The following ATXN7L3 variants were observed in gnomAD, a reference collection of about 807,000 sequenced individuals.
The protein encoded by ATXN7L3 is ataxin 7 like 3.
Under a neutral mutation model 50.0 loss-of-function variants are expected in ATXN7L3, and 6 were observed. That is an observed-to-expected ratio of 0.12 (90% CI 0.07 to 0.24). The LOEUF (loss-of-function observed/expected upper bound fraction) is 0.24. Ranked by LOEUF, ATXN7L3 falls within the 10% of genes least tolerant of loss-of-function variation. The pLI is 1.00. For synonymous variants in ATXN7L3, 198 were observed against 165.8 expected (o/e 1.19, Z -1.49); for missense variants, 322 against 451.3 (o/e 0.71, Z 2.60).
At chr17:44,197,889 C>T in intron 2 of ATXN7L3, 131 bp downstream of exon 2, 10 of 1,510,212 alleles carry the variant, frequency 6.6e-6, no homozygotes, top group Non-Finnish European at 9.1e-6. Flanking sequence ...GGATCCTTGG[C>T]TTTTTCAGCT....
rs772094932 is a variant in ATXN7L3, at chr17:44,197,743, G to A, written c.52-13C>T. ...CCTGAGCGATGGCCTGGGCCCCAGG[G>A]GAGAACATCTACGGTCACAAGAGTC... On this transcript the variant is annotated splice_polypyrimidine_tract_variant and intron_variant, in intron 2 of 12. Coordinates refer to ENST00000587097, the MANE Select transcript of ATXN7L3 (RefSeq NM_001382309.1). The A allele has an allele frequency of 2.5e-6, 4 of 1,614,244 alleles. No individual in the cohort carries two copies. Among genetic ancestry groups the A allele is most frequent in the South Asian group, 1.1e-5 (1 of 91,086 alleles).
chr17:44,196,156 A>C (rs2055880238), intron 6 of ATXN7L3, 77 bp from the exon 7 acceptor site: 18 of 1,515,666 alleles, frequency 1.2e-5, no homozygotes, highest in Non-Finnish European at 1.6e-5. Flanking sequence ...AGGAAAAAAG[A>C]TTTGACAAAG....
rs190131239 is a variant in ATXN7L3 at position 44,197,860 on chromosome 17, C to T, written c.52-130G>A. On this transcript the variant is annotated intron_variant, in intron 2 of 12. Transcript: ENST00000587097. ...TTTGCCATTTTCCCCATCTTGACTT[C>T]GTGTTCTTTCTTCTTCCTGGATCCT... 5.6e-4 allele frequency: 858 copies of T among 1,530,126 alleles called. 2 individuals are homozygous for T. The African/African-American group carries it at 6.9e-3, about 12-fold the overall frequency. 94.8% of individuals were successfully genotyped at this position (1,530,126 alleles called of 1,614,324 possible).
At chr17:44,195,955 C>CG in intron 7 of ATXN7L3, 79 bp downstream of exon 7, 2 of 1,565,814 alleles carry the variant, frequency 1.3e-6, no homozygotes, top group Non-Finnish European at 1.7e-6. Flanking sequence ...CCCCTATCCC[C>CG]GGGCCCCACC....
intron 8 of ATXN7L3, 28 bp downstream of exon 8, chr17:44,195,772 G>A: frequency 6.3e-7 from 1 of 1,582,934 alleles, no homozygotes; most frequent in Non-Finnish European, 8.7e-7. Flanking sequence ...GACAATGAGA[G>A]CAAGCATGAG....
Position 44,196,352 on chromosome 17 carries a change from T to A in ATXN7L3, c.477+44A>T, listed in dbSNP as rs761779411. ...CTCCCTGCCCAAAGGGGAGGGTATC[T>A]GTCCTTTACCCATTATTTCCCCAAT... On this transcript the variant is annotated intron_variant, in intron 6 of 12. Transcript: ENST00000587097. The A allele has an allele frequency of 1.9e-6, 3 of 1,611,178 alleles. No individual in the cohort carries two copies. In the East Asian group the frequency reaches 6.7e-5, roughly 36 times the overall value.
At chr17:44,196,226 T>TGCC in intron 6 of ATXN7L3, 147 bp from the exon 7 acceptor site, 3 of 737,680 alleles carry the variant, frequency 4.1e-6, no homozygotes, top group Non-Finnish European at 4.3e-6. Context: ...CCATGTGCCC[T>TGCC]CCCCCACCCC....
chr17:44,197,952 G>C, intron 2 of ATXN7L3, 68 bp downstream of exon 2: 1 of 1,570,562 alleles, frequency 6.4e-7, no homozygotes, highest in Non-Finnish European at 8.8e-7. Context: ...CTTTGGTGTG[G>C]ATGCCAGATA....
intron 9 of ATXN7L3, 44 bp downstream of exon 9, chr17:44,195,375 C>T (rs1598195275): frequency 6.3e-7 from 1 of 1,586,450 alleles, no homozygotes; most frequent in Non-Finnish European, 8.7e-7. Context: ...CCTATGGCTC[C>T]AGCCCACTCC....
intron 4 of ATXN7L3, 97 bp from the exon 5 acceptor site, chr17:44,197,123 A>T (rs1215507244): frequency 1.3e-6 from 2 of 1,550,314 alleles, no homozygotes; most frequent in African/African-American, 1.4e-5. Flanking sequence ...AAGCAGGTGG[A>T]GCATCTGGGG....
intron 2 of ATXN7L3, 80 bp downstream of exon 2, chr17:44,197,940 C>G: frequency 6.4e-7 from 1 of 1,556,776 alleles, no homozygotes; most frequent in Non-Finnish European, 8.8e-7. Context: ...ACCCAAATTC[C>G]TCTTTGGTGT....
At position 44,192,574 on chromosome 17, in the gene ATXN7L3, G is replaced by A. The variant is rs2055732338; in HGVS notation, c.*1689C>T. Reference sequence around the variant, plus strand: ...CTCTCCCTCTGGCCTCCTCTCGGAGGGAGACTACGGAGGGCCAAGAATAGA... The same window carrying A: ...CTCTCCCTCTGGCCTCCTCTCGGAGAGAGACTACGGAGGGCCAAGAATAGA... On this transcript the variant is annotated 3_prime_UTR_variant, in exon 13 of 13. Coordinates refer to ENST00000587097, the MANE Select transcript of ATXN7L3 (RefSeq NM_001382309.1). 1.3e-5 allele frequency: 2 copies of A among 152,218 alleles called. No homozygotes were observed. The highest frequency in any genetic ancestry group is 2.9e-5 in the Non-Finnish European group (2 of 68,040). 9.4% of individuals were successfully genotyped at this position (152,218 alleles called of 1,614,324 possible). A position where few individuals can be genotyped will look rare whatever the true frequency, so the allele number is the denominator to read the frequency against.
chr17:44,195,879 G>A (rs764892324), intron 7 of ATXN7L3, 51 bp from the exon 8 acceptor site: 2 of 1,588,930 alleles, frequency 1.3e-6, no homozygotes, highest in Non-Finnish European at 1.7e-6. Flanking sequence ...GGTACAGACA[G>A]AGAACCCTGA....
rs760513365 is a variant in ATXN7L3 at position 44,194,851 on chromosome 17, G to A, written c.666-12C>T. On this transcript the variant is annotated splice_polypyrimidine_tract_variant and intron_variant, in intron 10 of 12. Transcript: ENST00000587097. ...GGCAGCGCAGGGACCTGGTGGTGAG[G>A]CAAGGCAGGGAGGGTTCTGAGGAAC... 6.2e-7 allele frequency: 1 copy of A among 1,614,004 alleles called. No individual in the cohort carries two copies. Among genetic ancestry groups the A allele is most frequent in the South Asian group, 1.1e-5 (1 of 91,074 alleles).
Position 44,197,723 on chromosome 17 carries a change from G to A in ATXN7L3, c.59C>T (p.Ala20Val). The change falls in exon 3 of 13, where the codon GCT (alanine) becomes GTT (valine). Residue 20 changes from alanine to valine, a missense_variant. Physicochemically the swap from Ala to Val is moderately conservative, Grantham distance 64 (BLOSUM62 0). Coordinates refer to ENST00000587097, the MANE Select transcript of ATXN7L3 (RefSeq NM_001382309.1). Reference protein sequence around the residue: ...GLDNSKLEAIAQEIYADLVED... With the variant: ...GLDNSKLEAIVQEIYADLVED... ...GACCAGGTCCGCGTATATCTCCTGA[G>A]CGATGGCCTGGGCCCCAGGGGAGAA... 1.2e-6 allele frequency: 2 copies of A among 1,614,272 alleles called. No individual in the cohort carries two copies. The highest frequency in any genetic ancestry group is 1.7e-6 in the Non-Finnish European group (2 of 1,180,052).
In ATXN7L3 at chr17:44,199,612, C is replaced by A; in HGVS notation, c.-177G>T. 6.8e-6 allele frequency: 1 copy of A among 147,254 alleles called. No homozygotes were observed. Among genetic ancestry groups the A allele is most frequent in the South Asian group, 2.1e-4 (1 of 4,834 alleles). The allele number at this position is 147,254 out of a possible 1,614,324, so 9.1% of individuals were successfully genotyped here. ...TCCGTCGGTCCGTCCTCGCCTCTCC[C>A]CGGGGCCCAGGGCCCGGGGCCGGGG... is the stretch of plus-strand genomic sequence containing the variant. On this transcript the variant is annotated 5_prime_UTR_variant, in exon 1 of 13. Transcript: ENST00000587097.
Position 44,195,159 on chromosome 17 carries a change from C to T in ATXN7L3, c.622-19G>A, listed in dbSNP as rs766720643. 5.6e-6 allele frequency: 9 copies of T among 1,612,850 alleles called. No individual in the cohort carries two copies. The highest frequency in any genetic ancestry group is 7.6e-6 in the Non-Finnish European group (9 of 1,178,996). On this transcript the variant is annotated intron_variant, in intron 9 of 12. Transcript: ENST00000587097. ...CACATTGCTGGAAGAGGAATATAAGCTGAAAGGAGGGATGGAAGGAACCTA... is the reference window on the plus strand; with the variant it reads ...CACATTGCTGGAAGAGGAATATAAGTTGAAAGGAGGGATGGAAGGAACCTA...
At chr17:44,196,179 A>C in intron 6 of ATXN7L3, 100 bp from the exon 7 acceptor site, 8 of 1,417,636 alleles carry the variant, frequency 5.6e-6, no homozygotes, top group Non-Finnish European at 7.9e-6. Context: ...GCATCCTCAA[A>C]TTCCTACTCT....
intron 9 of ATXN7L3, 131 bp from the exon 10 acceptor site, chr17:44,195,271 G>C (rs2055841311): frequency 2.2e-6 from 3 of 1,339,564 alleles, no homozygotes; most frequent in Non-Finnish European, 3.2e-6. Context: ...GATGGTCCCA[G>C]GACACTATGG....
Sources: allele counts gnomAD v4.1 joint callset, GRCh38; gene constraint gnomAD v4.1.1; transcripts MANE v1.5; gene names NCBI Gene and HGNC (gene_info 2026-07-23, HGNC 2026-07-21).